Variants in SOX5 observed in about 807,000 individuals in gnomAD.
SOX5 encodes transcription factor SOX-5.
Under a neutral mutation model 92.0 loss-of-function variants are expected in SOX5, and 9 were observed. The observed-to-expected ratio is 0.10, with a 90% CI of 0.06 to 0.17. The LOEUF (loss-of-function observed/expected upper bound fraction) is 0.17, where lower values mean the gene tolerates loss of function less well. Among genes scored for constraint, SOX5 ranks in the 10% least tolerant of loss-of-function variants. The pLI, the probability that SOX5 is intolerant of heterozygous loss-of-function variation, is 1.00. For synonymous variants in SOX5, 344 were observed against 336.3 expected, an observed-to-expected ratio of 1.02 and a Z score of -0.25; for missense variants, 642 against 944.5, an observed-to-expected ratio of 0.68 and a Z score of 4.20.
chr12:24,294,649 T>A (rs1319660810), intron 2 of SOX5, among the ~76,000 whole-genome samples: 1 of 152,200 alleles, frequency 6.6e-6, no homozygotes, highest in Non-Finnish European at 1.5e-5. Flanking sequence ...TTGACACTGC[T>A]AACAATATAT....
intron 4 of SOX5, among the ~76,000 whole-genome samples, chr12:24,014,099 T>A (rs562681414): frequency 6.6e-6 from 1 of 152,312 alleles, no homozygotes; most frequent in South Asian, 2.1e-4. Flanking sequence ...AAGATTTACT[T>A]TCCTTTTATT....
chr12:24,326,781 T>TACACACACACACACACAC (rs1306084119), intron 2 of SOX5, among the ~76,000 whole-genome samples: 435 of 42,366 alleles, frequency 0.01, 1 homozygote, highest in African/African-American at 0.025. Context: ...CACCCATTCA[T>TACACACACACACACACAC]ACACACACAT....
At chr12:23,962,162 G>T (rs1248101605) in intron 4 of SOX5, among the ~76,000 whole-genome samples, 1 of 152,042 alleles carries the variant, frequency 6.6e-6, no homozygotes, top group African/African-American at 2.4e-5. Flanking sequence ...GAGAAGGTGA[G>T]TAAAGCACTA....
At chr12:24,052,699 T>C (rs1221922185) in intron 4 of SOX5, among the ~76,000 whole-genome samples, 1 of 152,168 alleles carries the variant, frequency 6.6e-6, no homozygotes, top group Non-Finnish European at 1.5e-5. Context: ...ATGTGAAATG[T>C]TTTTTATGGT....
At chr12:23,859,888 T>C (rs912539719) in intron 2 of SOX5, among the ~76,000 whole-genome samples, 5 of 152,028 alleles carry the variant, frequency 3.3e-5, no homozygotes, top group African/African-American at 4.8e-5. Flanking sequence ...AGAAAAGACA[T>C]GGAATTAACC....
chr12:23,695,593 A>G (rs1593363926), intron 6 of SOX5, among the ~76,000 whole-genome samples: 1 of 152,148 alleles, frequency 6.6e-6, no homozygotes, highest in Non-Finnish European at 1.5e-5. Context: ...TTATTTTATT[A>G]ATCTAGTCAA....
At chr12:24,259,720 G>A (rs1004631873) in intron 3 of SOX5, among the ~76,000 whole-genome samples, 1 of 152,074 alleles carries the variant, frequency 6.6e-6, no homozygotes, top group Non-Finnish European at 1.5e-5. Context: ...GATAAGTAAC[G>A]AATATCCATT....
chr12:23,953,813 C>G (rs1339141330), upstream of SOX5, among the ~76,000 whole-genome samples: 4 of 151,892 alleles, frequency 2.6e-5, no homozygotes, highest in Non-Finnish European at 5.9e-5. Context: ...AACAGTAACC[C>G]AATAAAAGTT....
chr12:24,045,831 C>G (rs1331677122), intron 4 of SOX5, among the ~76,000 whole-genome samples: 1 of 152,164 alleles, frequency 6.6e-6, no homozygotes, highest in East Asian at 1.9e-4. Context: ...TTGAACAATT[C>G]AAACATGTTG....
At chr12:23,792,696 A>G (rs2095498449) in intron 3 of SOX5, among the ~76,000 whole-genome samples, 1 of 147,692 alleles carries the variant, frequency 6.8e-6, no homozygotes, top group African/African-American at 2.5e-5. Context: ...GAGCAGTTTC[A>G]GATGCTGCCA....
chr12:24,286,121 A>G (rs1432263363), intron 2 of SOX5, among the ~76,000 whole-genome samples: 1 of 152,214 alleles, frequency 6.6e-6, no homozygotes, highest in Non-Finnish European at 1.5e-5. Context: ...CTTTAAGGAT[A>G]ATTCACAAGA....
chr12:23,575,647 G>T lies in SOX5; in HGVS notation c.1342+14C>A. Reference sequence around the variant, plus strand: ...AAACAGAAAATCAGCAAGAACAAAAGAAACAGAACTTACCTATTGTGCTAA... The same window carrying T: ...AAACAGAAAATCAGCAAGAACAAAATAAACAGAACTTACCTATTGTGCTAA... On this transcript the variant is annotated intron_variant, in intron 10 of 14. Transcript: ENST00000451604. 6.2e-7 allele frequency: 1 copy of T among 1,613,276 alleles called. No individual in the cohort carries two copies. The highest frequency in any genetic ancestry group is 1.3e-5 in the African/African-American group (1 of 75,008).
At chr12:24,077,730 A>G (rs1224536907) in intron 4 of SOX5, among the ~76,000 whole-genome samples, 2 of 148,640 alleles carry the variant, frequency 1.3e-5, no homozygotes, top group Admixed American at 6.8e-5. Context: ...AAAAGAAATT[A>G]CTAATTTATA....
chr12:23,910,533 T>C (rs1178078901), intron 1 of SOX5, among the ~76,000 whole-genome samples: 1 of 152,156 alleles, frequency 6.6e-6, no homozygotes, highest in Non-Finnish European at 1.5e-5. Flanking sequence ...CAAAGATAGC[T>C]ACCATAACTG....
chr12:23,565,564 A>C (rs1946928661), intron 10 of SOX5, among the ~76,000 whole-genome samples: 1 of 152,206 alleles, frequency 6.6e-6, no homozygotes, highest in South Asian at 2.1e-4. Context: ...CCAAGATAAC[A>C]TTGTGTAGGA....
chr12:24,106,387 T>A (rs1225882564), intron 4 of SOX5, among the ~76,000 whole-genome samples: 1 of 152,134 alleles, frequency 6.6e-6, no homozygotes, highest in Non-Finnish European at 1.5e-5. Flanking sequence ...TGGGGAAATA[T>A]TCAAAACTAT....
intron 4 of SOX5, among the ~76,000 whole-genome samples, chr12:24,178,571 G>C (rs1593976698): frequency 6.6e-6 from 1 of 152,304 alleles, no homozygotes; most frequent in East Asian, 1.9e-4. Flanking sequence ...GATGTTTAAA[G>C]TTGGCAATTA....
At chr12:24,438,538 T>G (rs912025131) in intron 1 of SOX5, among the ~76,000 whole-genome samples, 3 of 152,150 alleles carry the variant, frequency 2.0e-5, no homozygotes, top group African/African-American at 7.2e-5. Flanking sequence ...TGGAAAAGAT[T>G]CACCATTCTA....
At chr12:24,178,643 T>C (rs763015242) in intron 4 of SOX5, among the ~76,000 whole-genome samples, 3 of 152,238 alleles carry the variant, frequency 2.0e-5, no homozygotes, top group Non-Finnish European at 2.9e-5. Flanking sequence ...TTAAAAACCC[T>C]TGTGAAAAGT....
Sources: gnomAD v4.1 joint callset for allele counts (sites outside exome capture counted in the v4.1 genomes callset) on GRCh38, gnomAD v4.1.1 for gene constraint, MANE v1.5 for transcripts, NCBI Gene and HGNC (gene_info 2026-07-23, HGNC 2026-07-21) for gene names.